The following ZNF676 variants were observed in gnomAD, a reference collection of about 807,000 sequenced individuals.
ZNF676 encodes zinc finger protein 676.
In ZNF676, 4 loss-of-function variants were observed where a neutral mutation model predicts 6.0. The observed-to-expected ratio is 0.67, with a 90% CI of 0.33 to 1.53. ZNF676 has a LOEUF of 1.53. Ranked by LOEUF, ZNF676 falls within the 40% of genes most tolerant of loss-of-function variation. ZNF676 has a pLI of 0.06. For synonymous variants in ZNF676, 198 were observed against 223.1 expected (o/e 0.89, Z 1.00); for missense variants, 644 against 679.7 (o/e 0.95, Z 0.58).
chr19:22,191,693 C>T (rs879620317), intron 2 of ZNF676, among the ~76,000 whole-genome samples: 6 of 152,158 alleles, frequency 3.9e-5, no homozygotes, highest in African/African-American at 7.2e-5. Context: ...AGGATATTTA[C>T]TCTGTCCAAA....
chr19:22,187,975 C>A lies in ZNF676; in HGVS notation c.130+5041G>T, dbSNP rs552077775. ...CGATTCTTTCTGAAACTATTCCCAA[C>A]AATAGAAAAAGAGGGACTCTTCCAT... On this transcript the variant is annotated intron_variant, in intron 2 of 2. Coordinates refer to ENST00000397121, the MANE Select transcript of ZNF676 (RefSeq NM_001001411.3). 1.1e-3 allele frequency among the ~76,000 whole-genome samples: 169 copies of A among 152,128 alleles called. 1 individual carries two copies. Among genetic ancestry groups the A allele is most frequent in the African/African-American group, 3.9e-3 (162 of 41,510 alleles).
chr19:22,237,893 T>C, the ZNF676 span, among the ~76,000 whole-genome samples: 1 of 152,202 alleles, frequency 6.6e-6, no homozygotes, highest in Non-Finnish European at 1.5e-5. Context: ...AGGCTGTGCA[T>C]ACATCTTTCA....
intron 1 of ZNF676, chr19:22,203,311 T>A (rs1282402582): frequency 2.6e-5 from 4 of 153,292 alleles, no homozygotes; most frequent in Admixed American, 1.3e-4. Flanking sequence ...GAGTTCTCAC[T>A]GTGACAGCCC....
upstream of ZNF676, among the ~76,000 whole-genome samples, chr19:22,201,318 A>C (rs1021676329): frequency 2.0e-5 from 3 of 152,172 alleles, no homozygotes; most frequent in African/African-American, 7.2e-5. Context: ...GAAGATGTGA[A>C]AGGTCAAAAG....
chr19:22,221,882 A>C, the ZNF676 span, among the ~76,000 whole-genome samples: 1 of 152,110 alleles, frequency 6.6e-6, no homozygotes, highest in Non-Finnish European at 1.5e-5. Flanking sequence ...TGTTAAGTCC[A>C]TTTGTTCTAA....
In ZNF676 at chr19:22,180,468, C is replaced by G. The variant is rs1487800707; in HGVS notation, c.1249G>C (p.Gly417Arg). ...TCTTCACACTTGTAGGGTTTCTCTCCAGTATGAATTCTCTTATGTTCCATG... is the reference window on the plus strand; with the variant it reads ...TCTTCACACTTGTAGGGTTTCTCTCGAGTATGAATTCTCTTATGTTCCATG... ...KLMEHKRIHTGEKPYKCEECG... is the reference protein window; with the variant it reads ...KLMEHKRIHTREKPYKCEECG... Residue 417 changes from glycine to arginine, a missense_variant, in exon 3 of 3, where the codon GGA becomes CGA. Gly to Arg is a moderately radical substitution (Grantham distance 125, BLOSUM62 -2). This residue lies in a region of ZNF676 where 306 missense variants were observed against 265.4 expected (regional missense o/e 1.15). Transcript: ENST00000397121. 1.2e-6 allele frequency: 2 copies of G among 1,607,908 alleles called. No homozygotes were observed. Among genetic ancestry groups the G allele is most frequent in the African/African-American group, 2.7e-5 (2 of 73,418 alleles).
At chr19:22,252,401 A>AAAAAG in the ZNF676 span, among the ~76,000 whole-genome samples, 73 of 151,256 alleles carry the variant, frequency 4.8e-4, no homozygotes, top group African/African-American at 1.7e-3. Flanking sequence ...TCTGAAAAAA[A>AAAAAG]AAAAGAAAAG....
chr19:22,215,882 C>T (rs1011416263), upstream of ZNF676, among the ~76,000 whole-genome samples: 3 of 151,018 alleles, frequency 2.0e-5, no homozygotes, highest in African/African-American at 7.2e-5. Context: ...CCCTTTCAGG[C>T]CCTGAGTGAC....
At position 22,181,131 on chromosome 19, in the gene ZNF676, G is replaced by A; in HGVS notation, c.586C>T (p.Pro196Ser). ...YYKSIHTGEK[P>S]YKCEECGKAF... Reference sequence around the variant, plus strand: ...TTGCCACATTCTTCACATTTGTAGGGTTTCTCTCCAGTATGAATACTCTTA... The same window carrying A: ...TTGCCACATTCTTCACATTTGTAGGATTTCTCTCCAGTATGAATACTCTTA... Residue 196 changes from proline to serine, a missense_variant, in exon 3 of 3, where the codon CCC (proline) becomes TCC (serine). By Grantham distance (74) the Pro-to-Ser change is moderately conservative. Coordinates refer to ENST00000397121, the MANE Select transcript of ZNF676 (RefSeq NM_001001411.3). 6.2e-7 allele frequency: 1 copy of A among 1,613,766 alleles called. No homozygotes were observed. Among genetic ancestry groups the A allele is most frequent in the Admixed American group, 1.7e-5 (1 of 59,990 alleles).
At chr19:22,181,869 C>T (rs2023759532) in intron 2 of ZNF676, among the ~76,000 whole-genome samples, 1 of 151,610 alleles carries the variant, frequency 6.6e-6, no homozygotes, top group African/African-American at 2.4e-5. Flanking sequence ...TTACCCAATA[C>T]AACTCTTTCT....
At chr19:22,222,108 A>AT in the ZNF676 span, among the ~76,000 whole-genome samples, 61 of 150,914 alleles carry the variant, frequency 4.0e-4, no homozygotes, top group Non-Finnish European at 6.5e-4. Context: ...GCTAAAATAT[A>AT]TTTTTTTTTT....
intron 1 of ZNF676, among the ~76,000 whole-genome samples, chr19:22,202,385 G>A (rs917275319): frequency 1.1e-4 from 17 of 152,216 alleles, no homozygotes; most frequent in African/African-American, 4.1e-4. Context: ...AGTAGGCAGA[G>A]ACACAATTCC....
chr19:22,248,939 A>T, the ZNF676 span, among the ~76,000 whole-genome samples: 21 of 152,336 alleles, frequency 1.4e-4, no homozygotes, highest in East Asian at 1.5e-3. Flanking sequence ...CATGTTGGTC[A>T]GGCTGGTCTC....
the ZNF676 span, among the ~76,000 whole-genome samples, chr19:22,231,036 G>T: frequency 3.3e-5 from 5 of 151,894 alleles, no homozygotes; most frequent in African/African-American, 1.2e-4. Context: ...AATCATAATG[G>T]TGCAGAAAAC....
chr19:22,235,105 C>A, the ZNF676 span, among the ~76,000 whole-genome samples: 3 of 103,130 alleles, frequency 2.9e-5, 1 homozygote, highest in African/African-American at 1.3e-4. Flanking sequence ...AGAAGGAAGT[C>A]AGGAAGGCAG....
chr19:22,226,553 A>G, the ZNF676 span, among the ~76,000 whole-genome samples: 1 of 149,274 alleles, frequency 6.7e-6, no homozygotes, highest in Non-Finnish European at 1.5e-5. Flanking sequence ...TTTTATTTTT[A>G]TTTTATTTAT....
At chr19:22,183,972 T>G (rs77923659) in intron 2 of ZNF676, among the ~76,000 whole-genome samples, 4,028 of 152,286 alleles carry the variant, frequency 0.026, 64 homozygotes, top group Non-Finnish European at 0.037. Context: ...CAAATATTGA[T>G]AGAATAGAAG....
intron 1 of ZNF676, among the ~76,000 whole-genome samples, chr19:22,194,931 C>T (rs977669171): frequency 3.3e-5 from 5 of 152,176 alleles, no homozygotes; most frequent in African/African-American, 1.2e-4. Flanking sequence ...AAAGTACCCA[C>T]TGTCATTTGG....
At chr19:22,190,643 A>AGAATTC (rs2023891256) in intron 2 of ZNF676, among the ~76,000 whole-genome samples, 2 of 77,838 alleles carry the variant, frequency 2.6e-5, no homozygotes, top group Non-Finnish European at 5.0e-5. Context: ...ATATATATAT[A>AGAATTC]TATATATATA....
Sources: gnomAD v4.1 joint callset for allele counts (sites outside exome capture counted in the v4.1 genomes callset) on GRCh38, gnomAD v4.1.1 for gene constraint, gnomAD v4.1.1 regional missense constraint, MANE v1.5 for transcripts, NCBI Gene and HGNC (gene_info 2026-07-23, HGNC 2026-07-21) for gene names.